Variants in IQCK observed in about 807,000 individuals in gnomAD.
IQCK encodes IQ motif containing K, also known as IQ domain-containing protein K.
In IQCK, 29 loss-of-function variants were observed where a neutral mutation model predicts 28.1. That is an observed-to-expected ratio of 1.03 (90% CI 0.77 to 1.41). The LOEUF (loss-of-function observed/expected upper bound fraction) is 1.41, where lower values mean the gene tolerates loss of function less well. Ranked by LOEUF, IQCK falls within the 40% of genes most tolerant of loss-of-function variation. The pLI is 0.00. For synonymous variants in IQCK, 113 were observed against 115.1 expected (o/e 0.98, Z 0.12); for missense variants, 359 against 314.7 (o/e 1.14, Z -1.07).
intron 6 of IQCK, among the ~76,000 whole-genome samples, chr16:19,772,492 CAT>C (rs1370183677): frequency 6.6e-6 from 1 of 151,942 alleles, no homozygotes; most frequent in Admixed American, 6.6e-5. Flanking sequence ...ATACTAATTT[CAT>C]AGTCATGATT....
downstream of IQCK, among the ~76,000 whole-genome samples, chr16:19,831,294 G>T (rs1363692019): frequency 5.3e-5 from 8 of 152,134 alleles, no homozygotes; most frequent in Non-Finnish European, 1.5e-5. Context: ...TGGGCTTCAG[G>T]GTTCTTGCTG....
At chr16:19,784,033 C>T (rs975058241) in intron 6 of IQCK, among the ~76,000 whole-genome samples, 9 of 152,054 alleles carry the variant, frequency 5.9e-5, no homozygotes, top group Admixed American at 2.0e-4. Flanking sequence ...GGAAAATTGC[C>T]GCTGAACAGA....
chr16:19,848,755 G>T (rs1449688938), intron 9 of IQCK, among the ~76,000 whole-genome samples: 2 of 152,168 alleles, frequency 1.3e-5, no homozygotes, highest in East Asian at 3.8e-4. Flanking sequence ...CAGAGGTGGG[G>T]TATCATCCAG....
intron 4 of IQCK, among the ~76,000 whole-genome samples, chr16:19,743,677 A>G (rs2054867896): frequency 6.6e-6 from 1 of 152,250 alleles, no homozygotes; most frequent in African/African-American, 2.4e-5. Context: ...TGGCAGAGCC[A>G]AGACTCAAAC....
At chr16:19,802,483 A>G in intron 7 of IQCK, among the ~76,000 whole-genome samples, 1 of 97,246 alleles carries the variant, frequency 1.0e-5, no homozygotes, top group East Asian at 2.7e-4. Context: ...TGAAGATCGA[A>G]TCAGATGCTT....
chr16:19,724,668 A>G (rs961541330), intron 1 of IQCK, among the ~76,000 whole-genome samples: 8 of 152,046 alleles, frequency 5.3e-5, no homozygotes, highest in African/African-American at 1.9e-4. Flanking sequence ...AGCTGGGACT[A>G]CAGGTGCCCG....
intron 9 of IQCK, among the ~76,000 whole-genome samples, chr16:19,838,022 T>C (rs2056318701): frequency 6.6e-6 from 1 of 152,254 alleles, no homozygotes; most frequent in Non-Finnish European, 1.5e-5. Flanking sequence ...AAAAATTGAA[T>C]GGTTGAATCA....
chr16:19,798,403 C>G (rs1442419701), intron 7 of IQCK, among the ~76,000 whole-genome samples: 1 of 117,910 alleles, frequency 8.5e-6, no homozygotes, highest in African/African-American at 7.7e-5. Flanking sequence ...GGCGACAGAG[C>G]CAGAGTCCAT....
chr16:19,778,726 C>T (rs2055432440), intron 6 of IQCK, among the ~76,000 whole-genome samples: 1 of 152,024 alleles, frequency 6.6e-6, no homozygotes, highest in Non-Finnish European at 1.5e-5. Flanking sequence ...CTGCAGAGAG[C>T]TGGAGAACTG....
intron 9 of IQCK, among the ~76,000 whole-genome samples, chr16:19,852,901 C>T (rs530225484): frequency 5.3e-5 from 8 of 152,268 alleles, no homozygotes; most frequent in Non-Finnish European, 7.3e-5. Context: ...GGATTACAGG[C>T]GTGAGCCACC....
exon 3 of IQCK, chr16:19,733,783 C>T (rs756654533): frequency 1.2e-6 from 2 of 1,614,138 alleles, no homozygotes; most frequent in Non-Finnish European, 8.5e-7. Flanking sequence ...ATCTCACGTA[C>T]ACCCTGTCCT....
At chr16:19,761,560 A>G (rs940818658) in intron 4 of IQCK, 24 of 253,832 alleles carry the variant, frequency 9.5e-5, no homozygotes, top group South Asian at 8.6e-4. Flanking sequence ...AGCTCCTGCT[A>G]TTTTAAAAGA....
chr16:19,736,426 CTGAT>C (rs3055706), intron 4 of IQCK, among the ~76,000 whole-genome samples: 11 of 151,542 alleles, frequency 7.3e-5, no homozygotes, highest in East Asian at 2.0e-4. Flanking sequence ...CCACGCCTGA[CTGAT>C]TGATTGATTG....
At chr16:19,763,768 C>A in intron 4 of IQCK, 80 bp from the exon 5 acceptor site, 5 of 1,094,924 alleles carry the variant, frequency 4.6e-6, no homozygotes, top group Middle Eastern at 2.9e-4. Context: ...TGAAAAAAGT[C>A]ATGTATAAGT....
chr16:19,786,455 TG>T (rs1055942330), intron 6 of IQCK, among the ~76,000 whole-genome samples: 4 of 147,646 alleles, frequency 2.7e-5, no homozygotes, highest in Non-Finnish European at 5.9e-5. Context: ...CCCAGCACTT[TG>T]GGAGGCAGAG....
At chr16:19,781,005 C>T (rs369706406) in intron 6 of IQCK, among the ~76,000 whole-genome samples, 270 of 152,198 alleles carry the variant, frequency 1.8e-3, no homozygotes, top group Middle Eastern at 0.01. Context: ...GGATCCGTGA[C>T]ACAAAAAAAT....
chr16:19,815,441 A>G (rs1000078261), intron 7 of IQCK, among the ~76,000 whole-genome samples: 2 of 152,228 alleles, frequency 1.3e-5, no homozygotes, highest in Non-Finnish European at 2.9e-5. Context: ...GCTTGAGCCC[A>G]GGAGTTCAAG....
intron 1 of IQCK, among the ~76,000 whole-genome samples, chr16:19,724,588 G>A (rs915828870): frequency 2.6e-5 from 4 of 152,066 alleles, no homozygotes; most frequent in African/African-American, 9.7e-5. Context: ...CAGTGCAGTG[G>A]TGCGATCTCG....
chr16:19,827,149 G>A lies in IQCK; in HGVS notation c.814G>A (p.Asp272Asn). The change falls in exon 8 of 8, where the codon GAT becomes AAT. Residue 272 changes from aspartate to asparagine, a missense_variant. Asp to Asn is a conservative substitution (Grantham distance 23). Coordinates refer to ENST00000564186, the Ensembl canonical transcript of IQCK. ...GCAAGAACAAAAAGGTAAGTTGCTGGATTCACTGTCCTTAGTTCATTCAAG... is the reference window on the plus strand; with the variant it reads ...GCAAGAACAAAAAGGTAAGTTGCTGAATTCACTGTCCTTAGTTCATTCAAG... 6.5e-7 allele frequency: 1 copy of A among 1,540,712 alleles called. No individual in the cohort carries two copies. The highest frequency in any genetic ancestry group is 9.0e-7 in the Non-Finnish European group (1 of 1,113,070).
Sources: allele counts gnomAD v4.1 joint callset (sites outside exome capture counted in the v4.1 genomes callset), GRCh38; gene constraint gnomAD v4.1.1; transcripts MANE v1.5; gene names NCBI Gene and HGNC (gene_info 2026-07-23, HGNC 2026-07-21).